Variants in TCF7 observed in about 807,000 individuals in gnomAD.
The protein encoded by TCF7 is transcription factor 7, also known as T-cell-factor-7.
In TCF7, 19 loss-of-function variants were observed where a neutral mutation model predicts 46.8. That is an observed-to-expected ratio of 0.41 (90% CI 0.28 to 0.60). TCF7 has a LOEUF of 0.60. TCF7 is among the 20% of genes least tolerant of loss of function. TCF7 has a pLI of 0.35. For synonymous variants in TCF7, 245 were observed against 213.4 expected (o/e 1.15, Z -1.29); for missense variants, 547 against 504.6 (o/e 1.08, Z -0.81).
At chr5:134,119,432 T>G (rs1016506381) in intron 3 of TCF7, among the ~76,000 whole-genome samples, 23 of 152,242 alleles carry the variant, frequency 1.5e-4, no homozygotes, top group African/African-American at 5.5e-4. Context: ...CACAATCTTA[T>G]GAATATACTA....
chr5:134,112,362 A>G (rs1299823318), upstream of TCF7, among the ~76,000 whole-genome samples: 1 of 152,148 alleles, frequency 6.6e-6, no homozygotes, highest in Non-Finnish European at 1.5e-5. Context: ...TTCCCTCTCC[A>G]CAGCCCAAGC....
intron 3 of TCF7, among the ~76,000 whole-genome samples, chr5:134,133,702 C>G (rs112626005): frequency 6.6e-6 from 1 of 152,298 alleles, no homozygotes; most frequent in African/African-American, 2.4e-5. Context: ...CCCTGGAGCC[C>G]TGGCCACCCC....
intron 5 of TCF7, 121 bp from the exon 6 acceptor site, chr5:134,142,064 G>A (rs1759871806): frequency 5.7e-6 from 8 of 1,398,600 alleles, no homozygotes; most frequent in Non-Finnish European, 7.9e-6. Context: ...AGGCCAGTAG[G>A]ATAGAGTATC....
chr5:134,115,581 T>G (rs1402705627), intron 2 of TCF7, 194 bp downstream of exon 2: 28 of 1,438,390 alleles, frequency 1.9e-5, no homozygotes, highest in Non-Finnish European at 2.6e-5. Flanking sequence ...TGCCCTGACC[T>G]TTATAGGAGT....
intron 3 of TCF7, among the ~76,000 whole-genome samples, chr5:134,127,017 A>G (rs1231478387): frequency 3.9e-5 from 6 of 152,184 alleles, no homozygotes; most frequent in Non-Finnish European, 2.9e-5. Flanking sequence ...TGGCAGAGTC[A>G]GGATTTGAAC....
At chr5:134,123,528 G>A in intron 3 of TCF7, 1 of 383,404 alleles carries the variant, frequency 2.6e-6, no homozygotes, top group Non-Finnish European at 5.3e-6. Context: ...GGCCTGCACA[G>A]GTGAGAGGGG....
chr5:134,111,600 G>GC (rs1485880453), upstream of TCF7, among the ~76,000 whole-genome samples: 2 of 152,120 alleles, frequency 1.3e-5, no homozygotes, highest in African/African-American at 4.8e-5. Context: ...CTCTCTGCCA[G>GC]CAAAGGTCTT....
intron 3 of TCF7, among the ~76,000 whole-genome samples, chr5:134,122,890 T>G (rs904564454): frequency 6.6e-6 from 1 of 152,202 alleles, no homozygotes; most frequent in African/African-American, 2.4e-5. Flanking sequence ...GGGAAGGGAC[T>G]TATCCAAGGC....
upstream of TCF7, among the ~76,000 whole-genome samples, chr5:134,112,935 C>G (rs973030193): frequency 2.0e-5 from 3 of 152,202 alleles, no homozygotes; most frequent in African/African-American, 7.2e-5. Flanking sequence ...TCCTGCTGAA[C>G]CAGGGTTCCC....
chr5:134,121,545 C>T (rs1204795720), intron 3 of TCF7, among the ~76,000 whole-genome samples: 5 of 150,274 alleles, frequency 3.3e-5, no homozygotes, highest in East Asian at 3.9e-4. Flanking sequence ...ACCAAGATTG[C>T]GCCACTGCAC....
chr5:134,132,100 G>A (rs1226008831), intron 3 of TCF7, among the ~76,000 whole-genome samples: 1 of 152,226 alleles, frequency 6.6e-6, no homozygotes, highest in Non-Finnish European at 1.5e-5. Flanking sequence ...AGTGTCCTGT[G>A]CACAATAACC....
In TCF7 at chr5:134,120,607, C is replaced by G. The variant is rs572053437; in HGVS notation, c.441+4574C>G. Reference sequence around the variant, plus strand: ...TTCCCTCCGCTCGGAAGTCTCTTCCCCAGCCCTGCACATAGCCGCCACCTT... The same window carrying G: ...TTCCCTCCGCTCGGAAGTCTCTTCCGCAGCCCTGCACATAGCCGCCACCTT... On this transcript the variant is annotated intron_variant, in intron 3 of 9. Coordinates refer to ENST00000342854, the MANE Select transcript of TCF7 (RefSeq NM_003202.5). 3.3e-5 allele frequency among the ~76,000 whole-genome samples: 5 copies of G among 152,318 alleles called. No homozygotes were observed. In the South Asian group the frequency reaches 1.0e-3, roughly 32 times the overall value.
In TCF7 at chr5:134,146,752, G is replaced by C. The variant is rs150569898; in HGVS notation, c.*449G>C. 235 of 567,962 alleles carry C rather than the reference G, an allele frequency of 4.1e-4. 1 individual carries two copies. Among genetic ancestry groups the C allele is most frequent in the African/African-American group, 4.1e-3 (219 of 53,106 alleles). 35.2% of individuals were successfully genotyped at this position (567,962 alleles called of 1,614,324 possible). On this transcript the variant is annotated 3_prime_UTR_variant, in exon 10 of 10. Coordinates refer to ENST00000342854, the MANE Select transcript of TCF7 (RefSeq NM_003202.5). ...TGTCATCTAATTAAGGGAATCCCTT[G>C]TACCTATGGCTGCCTGCATCTATTC... is the stretch of plus-strand genomic sequence containing the variant.
intron 3 of TCF7, among the ~76,000 whole-genome samples, chr5:134,119,829 C>G (rs1433631305): frequency 6.6e-6 from 1 of 152,268 alleles, no homozygotes; most frequent in African/African-American, 2.4e-5. Flanking sequence ...CCGGCCTCCA[C>G]ACGCCCCAGA....
upstream of TCF7, among the ~76,000 whole-genome samples, chr5:134,109,803 G>A (rs1755308067): frequency 6.8e-6 from 1 of 147,174 alleles, no homozygotes; most frequent in African/African-American, 2.6e-5. Context: ...GAACTTAGAG[G>A]CATCTGCAGC....
intron 3 of TCF7, among the ~76,000 whole-genome samples, chr5:134,124,461 C>T (rs1482277240): frequency 6.6e-6 from 1 of 152,158 alleles, no homozygotes; most frequent in Non-Finnish European, 1.5e-5. Context: ...CTGTCCCTTG[C>T]TGGATAGGGA....
At chr5:134,138,452 C>T in intron 4 of TCF7, 1 of 364,250 alleles carries the variant, frequency 2.7e-6, no homozygotes, top group Admixed American at 4.4e-5. Flanking sequence ...AAAACTGTAG[C>T]CTTTCCTCCT....
At chr5:134,112,635 CTTATG>C (rs1755343076), upstream of TCF7, among the ~76,000 whole-genome samples, 1 of 152,102 alleles carries the variant, frequency 6.6e-6, no homozygotes, top group Non-Finnish European at 1.5e-5. Flanking sequence ...AAAAATGTTC[CTTATG>C]TTCTTTCACC....
Position 134,146,542 on chromosome 5 carries a change from G to A in TCF7, c.*239G>A, listed in dbSNP as rs1205701901. The A allele has an allele frequency of 5.6e-6, 4 of 717,040 alleles. No homozygotes were observed. Among genetic ancestry groups the A allele is most frequent in the Admixed American group, 4.1e-5 (2 of 48,754 alleles). 44.4% of individuals were successfully genotyped at this position (717,040 alleles called of 1,614,324 possible). On this transcript the variant is annotated 3_prime_UTR_variant, in exon 10 of 10. Coordinates refer to ENST00000342854, the MANE Select transcript of TCF7 (RefSeq NM_003202.5). ...CCTAGCAGGCACAGGACACCTGGCCGCCTCCAGGAGCCTACCCCCTGAAAG... is the reference window on the plus strand; with the variant it reads ...CCTAGCAGGCACAGGACACCTGGCCACCTCCAGGAGCCTACCCCCTGAAAG...
Sources: allele counts gnomAD v4.1 joint callset (sites outside exome capture counted in the v4.1 genomes callset), GRCh38; gene constraint gnomAD v4.1.1; transcripts MANE v1.5; gene names NCBI Gene and HGNC (gene_info 2026-07-23, HGNC 2026-07-21).